The following NTM variants were observed in gnomAD, a reference collection of about 807,000 sequenced individuals.
NTM encodes IgLON family member 2.
In NTM, 13 loss-of-function variants were observed where a neutral mutation model predicts 42.1. That is an observed-to-expected ratio of 0.31 (90% confidence interval 0.20 to 0.49). The LOEUF (loss-of-function observed/expected upper bound fraction) is 0.49. Ranked by LOEUF, NTM falls within the 20% of genes least tolerant of loss-of-function variation. The pLI is 0.99. For synonymous variants in NTM, 187 were observed against 179.2 expected (o/e 1.04, Z -0.35); for missense variants, 373 against 452.8 (o/e 0.82, Z 1.60).
chr11:131,839,292 A>G (rs12223090), intron 1 of NTM, among the ~76,000 whole-genome samples: 15,132 of 152,284 alleles, frequency 0.099, 777 homozygotes, highest in East Asian at 0.2. Context: ...GTTAGGTAGA[A>G]AAATATAACA....
chr11:131,881,374 C>T (rs918994937), intron 1 of NTM, among the ~76,000 whole-genome samples: 2 of 151,978 alleles, frequency 1.3e-5, no homozygotes, highest in Non-Finnish European at 2.9e-5. Context: ...GTTCCAGTCC[C>T]GGATTGGTCA....
intron 1 of NTM, among the ~76,000 whole-genome samples, chr11:131,830,492 T>C (rs1479634289): frequency 6.6e-6 from 1 of 152,222 alleles, no homozygotes; most frequent in Admixed American, 6.5e-5. Context: ...TGTGGCTTTA[T>C]TTCTGCATTC....
intron 1 of NTM, among the ~76,000 whole-genome samples, chr11:131,483,086 C>G (rs779185929): frequency 2.0e-5 from 3 of 152,182 alleles, no homozygotes; most frequent in African/African-American, 7.2e-5. Context: ...TTTTCCTTTG[C>G]ATGGAAACCC....
intron 4 of NTM, among the ~76,000 whole-genome samples, chr11:132,280,310 A>G (rs1449511512): frequency 6.6e-6 from 1 of 152,038 alleles, no homozygotes. Context: ...CCCACCCGAA[A>G]TAGTAATGTA....
At chr11:131,667,047 C>T (rs974423129) in intron 1 of NTM, among the ~76,000 whole-genome samples, 2 of 152,164 alleles carry the variant, frequency 1.3e-5, no homozygotes, top group South Asian at 2.1e-4. Flanking sequence ...TGCTCCATTG[C>T]CATGGCCTTG....
At chr11:132,270,731 AAC>A (rs2093437418) in intron 4 of NTM, among the ~76,000 whole-genome samples, 1 of 152,038 alleles carries the variant, frequency 6.6e-6, no homozygotes, top group Non-Finnish European at 1.5e-5. Flanking sequence ...AGATATAAAA[AAC>A]AATTTTGAAA....
At chr11:132,134,266 C>G (rs747608589) in intron 2 of NTM, among the ~76,000 whole-genome samples, 1 of 151,532 alleles carries the variant, frequency 6.6e-6, no homozygotes. Context: ...AGGGGGAACA[C>G]CTTCTCACCT....
intron 4 of NTM, among the ~76,000 whole-genome samples, chr11:132,278,456 A>C (rs1016106889): frequency 1.3e-5 from 2 of 152,184 alleles, no homozygotes; most frequent in Non-Finnish European, 2.9e-5. Context: ...TGGCCTCTCC[A>C]AGTAGTCTTT....
intron 2 of NTM, among the ~76,000 whole-genome samples, chr11:132,124,739 G>T (rs763223740): frequency 6.6e-6 from 1 of 152,228 alleles, no homozygotes; most frequent in Non-Finnish European, 1.5e-5. Context: ...CATTTTGGGA[G>T]GCCAAGTGAG....
intron 1 of NTM, among the ~76,000 whole-genome samples, chr11:131,618,416 T>C (rs542461439): frequency 7.2e-5 from 11 of 152,248 alleles, no homozygotes; most frequent in Admixed American, 1.3e-4. Flanking sequence ...TGGATACAGA[T>C]GTTGCAAAAG....
chr11:132,275,738 A>ATATATATACATATATACGTATATATACG (rs1565363148), intron 4 of NTM, among the ~76,000 whole-genome samples: 1 of 66,708 alleles, frequency 1.5e-5, no homozygotes, highest in East Asian at 5.3e-4. Context: ...ATATATACGT[A>ATATATATACATATATACGTATATATACG]TATATATATG....
At chr11:131,773,344 T>G (rs1381927174) in intron 1 of NTM, among the ~76,000 whole-genome samples, 2 of 152,214 alleles carry the variant, frequency 1.3e-5, no homozygotes, top group Non-Finnish European at 2.9e-5. Flanking sequence ...ATACCATTAT[T>G]TTGGTGATTA....
At chr11:132,227,428 G>C (rs2086544847) in intron 4 of NTM, among the ~76,000 whole-genome samples, 1 of 152,170 alleles carries the variant, frequency 6.6e-6, no homozygotes, top group Non-Finnish European at 1.5e-5. Context: ...TTGCTGAGAA[G>C]TTTCACTACA....
chr11:132,076,322 T>C (rs2058356761), intron 2 of NTM, among the ~76,000 whole-genome samples: 1 of 152,180 alleles, frequency 6.6e-6, no homozygotes, highest in African/African-American at 2.4e-5. Context: ...CCAATAAAAA[T>C]TCACTTACCA....
At chr11:131,953,576 A>T (rs2061252195) in intron 2 of NTM, among the ~76,000 whole-genome samples, 1 of 152,226 alleles carries the variant, frequency 6.6e-6, no homozygotes, top group African/African-American at 2.4e-5. Context: ...AGCTTTTTCT[A>T]GGCAAGTAAT....
intron 1 of NTM, among the ~76,000 whole-genome samples, chr11:131,599,194 C>T (rs2060236183): frequency 6.6e-6 from 1 of 152,156 alleles, no homozygotes; most frequent in South Asian, 2.1e-4. Flanking sequence ...GGATTACAGG[C>T]TTGAGCCACC....
intron 1 of NTM, among the ~76,000 whole-genome samples, chr11:131,648,397 G>A (rs1460141691): frequency 6.6e-6 from 1 of 152,086 alleles, no homozygotes; most frequent in Non-Finnish European, 1.5e-5. Flanking sequence ...TGGTAGTTTT[G>A]TTTTCAGCTC....
chr11:131,425,189 T>G (rs1316005625), intron 1 of NTM, among the ~76,000 whole-genome samples: 3 of 152,186 alleles, frequency 2.0e-5, no homozygotes, highest in Non-Finnish European at 4.4e-5. Flanking sequence ...GCTAGTTGTC[T>G]CCTTTTAATG....
At chr11:131,660,717 G>A in intron 1 of NTM, 2 of 448,284 alleles carry the variant, frequency 4.5e-6, no homozygotes, top group South Asian at 4.0e-5. Flanking sequence ...GAGGGACGGA[G>A]GAGGCAAAGA....
Sources: gnomAD v4.1 joint callset for allele counts (sites outside exome capture counted in the v4.1 genomes callset) on GRCh38, gnomAD v4.1.1 for gene constraint, MANE v1.5 for transcripts, NCBI Gene and HGNC (gene_info 2026-07-23, HGNC 2026-07-21) for gene names.